The following PRSS12 variants were observed in gnomAD, a reference collection of about 807,000 sequenced individuals.
PRSS12 encodes the protein serine protease 12.
Under a neutral mutation model 104.4 loss-of-function variants are expected in PRSS12, and 85 were observed. The observed-to-expected ratio is 0.81, with a 90% confidence interval of 0.68 to 0.98. PRSS12 has a LOEUF of 0.98. Ranked by LOEUF, PRSS12 falls within the 50% of genes least tolerant of loss-of-function variation. PRSS12 has a pLI of 0.00. For missense variants in PRSS12, 1,141 were observed against 1,139.2 expected, an observed-to-expected ratio of 1.00 and a Z score of -0.02; for synonymous variants, 454 against 425.2, an observed-to-expected ratio of 1.07 and a Z score of -0.83.
intron 2 of PRSS12, 81 bp from the exon 3 acceptor site, chr4:118,335,732 G>A: frequency 2.3e-6 from 3 of 1,290,598 alleles, no homozygotes; most frequent in Non-Finnish European, 3.4e-6. Flanking sequence ...GAAAAAAAAT[G>A]GAAGAAATCA....
At chr4:118,309,610 T>C (rs1743653025) in intron 7 of PRSS12, among the ~76,000 whole-genome samples, 1 of 152,152 alleles carries the variant, frequency 6.6e-6, no homozygotes, top group Non-Finnish European at 1.5e-5. Flanking sequence ...TGTGGAACTT[T>C]GTTATAGCAA....
At chr4:118,324,987 G>A (rs532984836) in intron 4 of PRSS12, among the ~76,000 whole-genome samples, 1 of 152,234 alleles carries the variant, frequency 6.6e-6, no homozygotes, top group South Asian at 2.1e-4. Context: ...ACAGGCGTGA[G>A]CCACCACGCC....
chr4:118,324,612 A>G (rs1439246718), intron 4 of PRSS12, among the ~76,000 whole-genome samples: 1 of 152,086 alleles, frequency 6.6e-6, no homozygotes, highest in African/African-American at 2.4e-5. Flanking sequence ...ACAAGATAAG[A>G]GAGTACAAGC....
Position 118,352,876 on chromosome 4 carries a change from T to C in PRSS12, c.-156A>G. 1 of 1,421,972 alleles carries C rather than the reference T, an allele frequency of 7.0e-7. No individual in the cohort carries two copies. The highest frequency in any genetic ancestry group is 2.7e-5 in the East Asian group (1 of 36,610). The allele number at this position is 1,421,972 out of a possible 1,614,324, so 88.1% of individuals were successfully genotyped here. A position where few individuals can be genotyped will look rare whatever the true frequency, so the allele number is the denominator to read the frequency against. On this transcript the variant is annotated 5_prime_UTR_variant, in exon 1 of 13. Transcript: ENST00000296498. ...CCGCCCTCGCCTCCCCAACCTTGCC[T>C]CCCGCCGCTGGTGCCCTGCCGCGCC...
intron 4 of PRSS12, among the ~76,000 whole-genome samples, chr4:118,330,323 T>A (rs1408367553): frequency 6.6e-6 from 1 of 152,174 alleles, no homozygotes; most frequent in Middle Eastern, 3.2e-3. Context: ...AGACAAAATG[T>A]TTGCTTTGAT....
Position 118,352,580 on chromosome 4 carries a change from A to T in PRSS12, c.141T>A (p.Leu47=), listed in dbSNP as rs1443641394. ...PPAGPHYPYY[L]PTQQRPPRTR... is the part of the protein sequence containing the mutation. Reference sequence around the variant, plus strand: ...TCCTCGGGGGCCGCTGCTGGGTGGGAAGGTAATAGGGGTAGTGCGGACCCG... The same window carrying T: ...TCCTCGGGGGCCGCTGCTGGGTGGGTAGGTAATAGGGGTAGTGCGGACCCG... Residue 47 remains leucine, a synonymous_variant, in exon 1 of 13, where the codon CTT becomes CTA. Transcript: ENST00000296498. 6.3e-7 allele frequency: 1 copy of T among 1,580,882 alleles called. No individual in the cohort carries two copies. Among genetic ancestry groups the T allele is most frequent in the Middle Eastern group, 1.7e-4 (1 of 5,966 alleles).
chr4:118,352,383 G>A lies in PRSS12; in HGVS notation c.338C>T (p.Ala113Val), dbSNP rs372089331. ...TDFGAPCLRW[A>V]EVPPFLERSP... is the part of the protein sequence containing the mutation. ...CCGCTCCAGGAAGGGTGGCACCTCCGCCCACCGCAGACACGGGGCGCCGAA... is the reference window on the plus strand; with the variant it reads ...CCGCTCCAGGAAGGGTGGCACCTCCACCCACCGCAGACACGGGGCGCCGAA... The change falls in exon 1 of 13, where the codon GCG becomes GTG. Residue 113 changes from alanine (A) to valine (V), a missense_variant. Ala to Val is a moderately conservative substitution (Grantham distance 64, BLOSUM62 0). Transcript: ENST00000296498. The A allele has an allele frequency of 2.6e-6, 4 of 1,549,962 alleles. No individual in the cohort carries two copies. The highest frequency in any genetic ancestry group is 2.4e-5 in the South Asian group (2 of 84,494).
intron 8 of PRSS12, among the ~76,000 whole-genome samples, chr4:118,307,582 G>T: frequency 6.6e-6 from 1 of 151,780 alleles, no homozygotes; most frequent in African/African-American, 2.4e-5. Flanking sequence ...CATTACTTAG[G>T]GTGCTTTCAC....
At chr4:118,304,177 TATGTGTGC>T (rs1743474984) in intron 8 of PRSS12, among the ~76,000 whole-genome samples, 1 of 151,952 alleles carries the variant, frequency 6.6e-6, no homozygotes, top group Non-Finnish European at 1.5e-5. Context: ...TGTATGTGTG[TATGTGTGC>T]ATATATGTGT....
chr4:118,349,344 C>G (rs1724433792), intron 1 of PRSS12, among the ~76,000 whole-genome samples: 1 of 151,110 alleles, frequency 6.6e-6, no homozygotes, highest in South Asian at 2.1e-4. Flanking sequence ...GCAGAGGTTG[C>G]AGTGCACTGA....
At chr4:118,286,338 G>C (rs1743015629) in intron 11 of PRSS12, among the ~76,000 whole-genome samples, 1 of 152,174 alleles carries the variant, frequency 6.6e-6, no homozygotes, top group Non-Finnish European at 1.5e-5. Flanking sequence ...ACCGTTTGAA[G>C]AGTTGTCTTA....
intron 1 of PRSS12, among the ~76,000 whole-genome samples, chr4:118,347,019 C>T (rs943483313): frequency 6.6e-6 from 1 of 151,880 alleles, no homozygotes; most frequent in Non-Finnish European, 1.5e-5. Context: ...AGTAAATATA[C>T]ACCCCTGGAC....
chr4:118,326,225 C>T (rs952950544), intron 4 of PRSS12, among the ~76,000 whole-genome samples: 3 of 152,206 alleles, frequency 2.0e-5, no homozygotes, highest in Admixed American at 2.0e-4. Context: ...GTTTGTAATC[C>T]ATGGATGAAA....
chr4:118,282,047 C>T lies in PRSS12; in HGVS notation c.2517G>A (p.Val839=), dbSNP rs532143815. The change falls in exon 13 of 13, where the codon GTG becomes GTA. Residue 839 remains valine (V), a synonymous_variant. Coordinates refer to ENST00000296498, the MANE Select transcript of PRSS12 (RefSeq NM_003619.4). ...LMCERPGESW[V]VYGVTSWGYG... ...ACCCCCAGGAGGTCACCCCATACACCACCCAGCTCTCTCCGGGCCGTTCAC... is the reference window on the plus strand; with the variant it reads ...ACCCCCAGGAGGTCACCCCATACACTACCCAGCTCTCTCCGGGCCGTTCAC... The T allele has an allele frequency of 1.2e-6, 2 of 1,614,152 alleles. No individual in the cohort carries two copies. Among genetic ancestry groups the T allele is most frequent in the South Asian group, 2.2e-5 (2 of 91,080 alleles).
chr4:118,324,896 GAGAC>G (rs1723729320), intron 4 of PRSS12, among the ~76,000 whole-genome samples: 1 of 152,038 alleles, frequency 6.6e-6, no homozygotes, highest in African/African-American at 2.4e-5. Context: ...ATTTTTAGTA[GAGAC>G]AGGTTTCACC....
chr4:118,291,118 TCTC>T (rs1743117515), intron 11 of PRSS12, among the ~76,000 whole-genome samples: 1 of 151,850 alleles, frequency 6.6e-6, no homozygotes, highest in Non-Finnish European at 1.5e-5. Flanking sequence ...AAATGACTCA[TCTC>T]CTGAAACTCT....
intron 4 of PRSS12, among the ~76,000 whole-genome samples, chr4:118,321,720 C>T (rs1484632378): frequency 6.6e-6 from 1 of 152,130 alleles, no homozygotes; most frequent in Non-Finnish European, 1.5e-5. Flanking sequence ...TAAACAAACA[C>T]CAAGGTTGTT....
chr4:118,335,507 C>T lies in PRSS12; in HGVS notation c.786G>A (p.Lys262=), dbSNP rs761211207. 2 of 1,613,970 alleles carry T rather than the reference C, an allele frequency of 1.2e-6. No individual in the cohort carries two copies. The highest frequency in any genetic ancestry group is 2.7e-5 in the African/African-American group (2 of 75,000). The change falls in exon 3 of 13, where the codon AAG becomes AAA. Residue 262 remains lysine (K), a synonymous_variant. Transcript: ENST00000296498. The part of the protein sequence containing the change: ...DIWQGGVCPQ[K]MAAAVTCSFS... Reference sequence around the variant, plus strand: ...AGCTACACGTGACAGCAGCTGCCATCTTCTGAGGACACACCCCACCCTGCC... The same window carrying T: ...AGCTACACGTGACAGCAGCTGCCATTTTCTGAGGACACACCCCACCCTGCC...
intron 11 of PRSS12, among the ~76,000 whole-genome samples, chr4:118,289,997 T>C (rs1743094463): frequency 6.6e-6 from 1 of 152,172 alleles, no homozygotes; most frequent in Non-Finnish European, 1.5e-5. Flanking sequence ...GAAAATATCA[T>C]CATCCTCTAA....
Sources: allele counts gnomAD v4.1 joint callset (sites outside exome capture counted in the v4.1 genomes callset), GRCh38; gene constraint gnomAD v4.1.1; transcripts MANE v1.5; gene names NCBI Gene and HGNC (gene_info 2026-07-23, HGNC 2026-07-21).